The following CNBD1 variants were observed in gnomAD, a reference collection of about 807,000 sequenced individuals.
CNBD1 encodes cyclic nucleotide binding domain containing 1, also known as cyclic nucleotide-binding domain-containing protein 1.
In CNBD1, 71 loss-of-function variants were observed where a neutral mutation model predicts 54.4. That is an observed-to-expected ratio of 1.30 (90% CI 1.08 to 1.59). The LOEUF (loss-of-function observed/expected upper bound fraction) is 1.59, where lower values mean the gene tolerates loss of function less well. CNBD1 is among the 40% of genes most tolerant of loss of function. The probability of loss-of-function intolerance (pLI) is 0.00; values close to 1 mark genes in which losing one functional copy is unlikely to be tolerated. For missense variants in CNBD1, 659 were observed against 518.0 expected, an observed-to-expected ratio of 1.27 and a Z score of -2.64; for synonymous variants, 182 against 170.7, an observed-to-expected ratio of 1.07 and a Z score of -0.51.
intron 2 of CNBD1, among the ~76,000 whole-genome samples, chr8:87,392,058 C>CA (rs1811319854): frequency 6.6e-6 from 1 of 152,034 alleles, no homozygotes; most frequent in Admixed American, 6.6e-5. Context: ...AAAAGGTACT[C>CA]ACTTTCACTA....
intron 4 of CNBD1, among the ~76,000 whole-genome samples, chr8:87,011,436 A>G (rs1809219918): frequency 1.3e-5 from 2 of 152,176 alleles, no homozygotes; most frequent in Admixed American, 6.5e-5. Context: ...GATACATTCA[A>G]AATATTGTCT....
chr8:87,020,993 CAATT>C (rs1414450252), intron 4 of CNBD1, among the ~76,000 whole-genome samples: 19 of 152,296 alleles, frequency 1.2e-4, no homozygotes, highest in Admixed American at 4.6e-4. Flanking sequence ...CAACCTCAAC[CAATT>C]GTCAACCAGA....
At chr8:87,271,177 G>A (rs1486317266) in intron 6 of CNBD1, among the ~76,000 whole-genome samples, 2 of 151,200 alleles carry the variant, frequency 1.3e-5, no homozygotes, top group African/African-American at 2.4e-5. Flanking sequence ...AATTAATCCA[G>A]CTGAAGGTTT....
chr8:87,281,701 A>G (rs1808605762), intron 6 of CNBD1, among the ~76,000 whole-genome samples: 1 of 149,752 alleles, frequency 6.7e-6, no homozygotes, highest in African/African-American at 2.4e-5. Context: ...GTTTCTGGGT[A>G]AGACACTGCA....
At chr8:87,090,669 TATTTA>T (rs1811187012) in intron 4 of CNBD1, among the ~76,000 whole-genome samples, 1 of 152,234 alleles carries the variant, frequency 6.6e-6, no homozygotes, top group African/African-American at 2.4e-5. Flanking sequence ...TTGATTAATT[TATTTA>T]ATTTTTCTCT....
intron 6 of CNBD1, among the ~76,000 whole-genome samples, chr8:87,246,428 G>A (rs149973862): frequency 3.9e-5 from 6 of 152,162 alleles, no homozygotes; most frequent in East Asian, 1.9e-4. Context: ...ATTTCTTCTC[G>A]AGACTGAAAA....
intron 6 of CNBD1, among the ~76,000 whole-genome samples, chr8:87,239,749 G>A (rs1005239270): frequency 6.6e-6 from 1 of 152,018 alleles, no homozygotes; most frequent in African/African-American, 2.4e-5. Context: ...AGCATCTGCT[G>A]TTCTAACTCT....
In CNBD1 at chr8:87,342,173, TGAGGCAGGAGAATGGCCAGAACCCAG is replaced by T. The variant is rs538124006; in HGVS notation, c.1043-9504_1043-9479del. ...CTGTAGTCCCAGCTACTTGAGAGGC[TGAGGCAGGAGAATGGCCAGAACCCAG>T]GAGGCAGAGCTTGCAGTGAGCTGAG... On this transcript the variant is annotated intron_variant, in intron 8 of 10. Transcript: ENST00000518476. Among the ~76,000 whole-genome samples the T allele has an allele frequency of 3.3e-3, 506 of 151,890 alleles. 3 individuals carry two copies. Among genetic ancestry groups the T allele is most frequent in the African/African-American group, 0.01 (432 of 41,402 alleles).
chr8:87,391,302 C>A (rs13282334), intron 2 of CNBD1, among the ~76,000 whole-genome samples: 40,671 of 151,756 alleles, frequency 0.27, 6,348 homozygotes, highest in Middle Eastern at 0.4. Flanking sequence ...AATTGATGCA[C>A]AAATTCAATG....
chr8:87,199,890 A>C (rs1008818762), intron 4 of CNBD1, among the ~76,000 whole-genome samples: 1 of 152,114 alleles, frequency 6.6e-6, no homozygotes, highest in African/African-American at 2.4e-5. Flanking sequence ...AATGACCAAG[A>C]TGAAAACTAG....
At chr8:87,373,213 G>A (rs1251211950) in intron 10 of CNBD1, among the ~76,000 whole-genome samples, 1 of 151,684 alleles carries the variant, frequency 6.6e-6, no homozygotes, top group Non-Finnish European at 1.5e-5. Flanking sequence ...AGACTTTTCT[G>A]CAAATGATGA....
intron 2 of CNBD1, among the ~76,000 whole-genome samples, chr8:87,423,947 T>C (rs1484792374): frequency 3.9e-5 from 6 of 152,354 alleles, no homozygotes; most frequent in African/African-American, 1.4e-4. Flanking sequence ...ATTGCCACAA[T>C]TTCAGCTCCT....
chr8:87,314,521 C>A (rs10108387), intron 8 of CNBD1, among the ~76,000 whole-genome samples: 57,023 of 151,482 alleles, frequency 0.38, 10,998 homozygotes, highest in Middle Eastern at 0.45. Flanking sequence ...ACAGTAAACA[C>A]CAGAACCATT....
intron 2 of CNBD1, among the ~76,000 whole-genome samples, chr8:87,412,334 A>G (rs2130986009): frequency 6.6e-6 from 1 of 152,232 alleles, no homozygotes. Flanking sequence ...AAAATATAAA[A>G]TTAACAAAAA....
At chr8:87,361,972 G>C (rs967221205) in intron 10 of CNBD1, among the ~76,000 whole-genome samples, 2 of 151,990 alleles carry the variant, frequency 1.3e-5, no homozygotes, top group African/African-American at 2.4e-5. Context: ...GAAGCACTGA[G>C]ATGAAACACT....
chr8:87,269,952 T>C (rs945230677), intron 6 of CNBD1, among the ~76,000 whole-genome samples: 1 of 151,904 alleles, frequency 6.6e-6, no homozygotes, highest in Non-Finnish European at 1.5e-5. Flanking sequence ...AGAGCTATAA[T>C]GAATAAAGAA....
rs56807288 is a variant in CNBD1, at chr8:87,271,524, GTTGT to G, written c.772-13151_772-13148del. Among the ~76,000 whole-genome samples, 1,280 of 152,014 alleles carry G rather than the reference GTTGT, an allele frequency of 8.4e-3. 19 individuals are homozygous for G. The highest frequency in any genetic ancestry group is 0.029 in the African/African-American group (1,216 of 41,516). ...TGACCTATTGGTCATTCAGGAGAAT[GTTGT>G]TTAACTTCTGTGGGTTTGTGTAATT... On this transcript the variant is annotated intron_variant, in intron 6 of 10. Transcript: ENST00000518476.
rs192885707 is a variant in CNBD1, at chr8:87,191,187, A to T, written c.432-14806A>T. 8.5e-5 allele frequency among the ~76,000 whole-genome samples: 13 copies of T among 152,150 alleles called. No homozygotes were observed. The East Asian group carries it at 2.5e-3, about 30-fold the overall frequency. Reference sequence around the variant, plus strand: ...TTCAGTCTATAGCAGAAGGCCCAAGAGTCCCCAGGAAGATGCTGGTGCAAG... The same window carrying T: ...TTCAGTCTATAGCAGAAGGCCCAAGTGTCCCCAGGAAGATGCTGGTGCAAG... On this transcript the variant is annotated intron_variant, in intron 4 of 10. Transcript: ENST00000518476.
At chr8:87,152,596 G>A (rs1045628891) in intron 4 of CNBD1, among the ~76,000 whole-genome samples, 5 of 152,092 alleles carry the variant, frequency 3.3e-5, no homozygotes, top group African/African-American at 1.2e-4. Flanking sequence ...ATTCCTGAGT[G>A]AGAGGGCTCT....
Sources: allele counts gnomAD v4.1 joint callset (sites outside exome capture counted in the v4.1 genomes callset), GRCh38; gene constraint gnomAD v4.1.1; transcripts MANE v1.5; gene names NCBI Gene and HGNC (gene_info 2026-07-23, HGNC 2026-07-21).